Variants in CSMD1 observed in about 807,000 individuals in gnomAD.
CSMD1 encodes CUB and sushi domain-containing protein 1.
CSMD1 carries 213 observed loss-of-function variants against 417.5 expected under a neutral mutation model. That is an observed-to-expected ratio of 0.51 (90% CI 0.46 to 0.57). The LOEUF is 0.57. Ranked by LOEUF, CSMD1 falls within the 20% of genes least tolerant of loss-of-function variation. CSMD1 has a pLI of 0.00. For missense variants in CSMD1, 6,923 were observed against 4,529.7 expected (o/e 1.53, Z -15.17); for synonymous variants, 2,862 against 1,736.8 (o/e 1.65, Z -16.11).
intron 1 of CSMD1, among the ~76,000 whole-genome samples, chr8:4,770,092 T>C (rs1407429181): frequency 1.3e-5 from 2 of 151,796 alleles, no homozygotes; most frequent in East Asian, 1.9e-4. Context: ...AGATACTTCA[T>C]GCTCATAGAT....
intron 3 of CSMD1, among the ~76,000 whole-genome samples, chr8:4,170,532 G>A (rs1399659099): frequency 1.3e-5 from 2 of 151,984 alleles, no homozygotes; most frequent in East Asian, 3.9e-4. Flanking sequence ...AAAGTCTATA[G>A]TCGGAGTATT....
chr8:3,376,645 A>G (rs534445517), intron 18 of CSMD1, among the ~76,000 whole-genome samples: 2 of 152,236 alleles, frequency 1.3e-5, no homozygotes, highest in East Asian at 1.9e-4. Flanking sequence ...GTCTTTCACA[A>G]AATTAGAGGA....
In CSMD1 at chr8:2,978,684, A is replaced by G. The variant is rs1805142665; in HGVS notation, c.8494T>C (p.Tyr2832His). 1.2e-6 allele frequency: 2 copies of G among 1,611,598 alleles called. No individual in the cohort carries two copies. Among genetic ancestry groups the G allele is most frequent in the Non-Finnish European group, 1.7e-6 (2 of 1,178,876 alleles). The part of the protein sequence containing the change: ...SILYHCKKGF[Y>H]LLGSSALTCM... ...GTCAAGGCTGAAGATCCCAGCAAGT[A>G]AAATCCCTTCTTGCAATGGTACAGG... The change falls in exon 55 of 70, where the codon TAC (tyrosine) becomes CAC (histidine). Residue 2832 changes from tyrosine to histidine, a missense_variant. By Grantham distance (83) the Tyr-to-His change is moderately conservative. Transcript: ENST00000635120.
At chr8:4,203,004 A>G (rs755953671) in intron 3 of CSMD1, among the ~76,000 whole-genome samples, 1 of 152,210 alleles carries the variant, frequency 6.6e-6, no homozygotes, top group Admixed American at 6.5e-5. Flanking sequence ...CGTAATTCCC[A>G]GAACCTGTGA....
rs77445264 is a variant in CSMD1 at position 3,707,674 on chromosome 8, C to T, written c.1009+740G>A. ...ACCAGTGGAGAGCTGACTGCACCTG[C>T]AGAGAAAGAAGGGTCTGCATAGTGA... On this transcript the variant is annotated intron_variant, in intron 7 of 69. Coordinates refer to ENST00000635120, the MANE Select transcript of CSMD1 (RefSeq NM_033225.6). Among the ~76,000 whole-genome samples the T allele has an allele frequency of 8.5e-3, 1,295 of 151,726 alleles. 8 individuals are homozygous for T. The highest frequency in any genetic ancestry group is 0.014 in the Non-Finnish European group (982 of 67,894).
intron 3 of CSMD1, among the ~76,000 whole-genome samples, chr8:4,404,102 G>C (rs1310507838): frequency 6.6e-6 from 1 of 152,132 alleles, no homozygotes; most frequent in East Asian, 1.9e-4. Flanking sequence ...TTAGGGAATG[G>C]TATTTCTCCA....
At chr8:3,935,035 G>C (rs562111087) in intron 5 of CSMD1, among the ~76,000 whole-genome samples, 5 of 152,104 alleles carry the variant, frequency 3.3e-5, no homozygotes, top group African/African-American at 1.2e-4. Context: ...TCCAAAGCTA[G>C]TCTCGTTTCT....
chr8:3,302,093 A>G (rs1804455200), intron 25 of CSMD1, among the ~76,000 whole-genome samples: 2 of 152,150 alleles, frequency 1.3e-5, no homozygotes, highest in Admixed American at 6.6e-5. Flanking sequence ...CTGAAGACTA[A>G]AGTCTCCCGC....
intron 26 of CSMD1, among the ~76,000 whole-genome samples, chr8:3,248,663 A>T (rs1800056925): frequency 1.3e-5 from 2 of 150,842 alleles, no homozygotes; most frequent in East Asian, 3.9e-4. Flanking sequence ...TGTCAGCAAT[A>T]CTTGATTTGT....
chr8:3,564,931 G>C (rs1799634235), intron 10 of CSMD1, among the ~76,000 whole-genome samples: 1 of 151,530 alleles, frequency 6.6e-6, no homozygotes, highest in African/African-American at 2.4e-5. Flanking sequence ...AGTTGACAAG[G>C]ACACAATCAT....
At chr8:4,092,823 T>G (rs562769780) in intron 3 of CSMD1, among the ~76,000 whole-genome samples, 4 of 152,304 alleles carry the variant, frequency 2.6e-5, no homozygotes, top group African/African-American at 9.6e-5. Context: ...TTTTAATTTG[T>G]TTTGATCAAA....
At chr8:4,427,404 G>A (rs188443299) in intron 2 of CSMD1, among the ~76,000 whole-genome samples, 25 of 152,074 alleles carry the variant, frequency 1.6e-4, no homozygotes, top group African/African-American at 5.8e-4. Context: ...TAGGTACCTT[G>A]GGGTCATAGA....
In CSMD1 at chr8:3,162,245, G is replaced by C; in HGVS notation, c.5758C>G (p.Leu1920Val). ...VGLAACQEPA[L>V]PSNSIKIGDR... ...CCGATTTTGATGCTGTTGCTGGGGA[G>C]GGCTGGTTCTTGGCATGCAGCAAGA... The change falls in exon 38 of 70, where the codon CTC becomes GTC. Residue 1920 changes from leucine (L) to valine (V), a missense_variant. Leu to Val is a conservative substitution (Grantham distance 32). Transcript: ENST00000635120. 1.2e-6 allele frequency: 2 copies of C among 1,610,602 alleles called. No individual in the cohort carries two copies. Among genetic ancestry groups the C allele is most frequent in the Non-Finnish European group, 1.7e-6 (2 of 1,178,440 alleles).
chr8:4,293,584 A>G (rs1797497342), intron 3 of CSMD1, among the ~76,000 whole-genome samples: 1 of 152,176 alleles, frequency 6.6e-6, no homozygotes, highest in Non-Finnish European at 1.5e-5. Context: ...ACAATAAAAG[A>G]GCTCATCTCA....
chr8:4,229,669 G>A (rs7828683), intron 3 of CSMD1, among the ~76,000 whole-genome samples: 62,431 of 151,896 alleles, frequency 0.41, 13,305 homozygotes, highest in South Asian at 0.63. Context: ...TCTTAGTGAA[G>A]TTCGTTCTCA....
intron 1 of CSMD1, among the ~76,000 whole-genome samples, chr8:4,964,382 A>C (rs1036218487): frequency 9.9e-5 from 15 of 150,984 alleles, no homozygotes; most frequent in Admixed American, 2.7e-4. Context: ...AGCCGGGTCT[A>C]GTGGCATGCA....
rs570276269 is a variant in CSMD1, at chr8:3,402,912, G to C, written c.2266+3115C>G. Among the ~76,000 whole-genome samples the C allele has an allele frequency of 9.5e-4, 145 of 152,130 alleles. 1 individual carries two copies. The highest frequency in any genetic ancestry group is 1.7e-3 in the Non-Finnish European group (113 of 67,994). ...TTCTACGTTAGAGGACTTAAAGATA[G>C]ACATTTTCCTTGAAACACAGGTTTT... On this transcript the variant is annotated intron_variant, in intron 15 of 69. Coordinates refer to ENST00000635120, the MANE Select transcript of CSMD1 (RefSeq NM_033225.6).
At chr8:2,943,234 T>TC (rs1371378034) in intron 68 of CSMD1, among the ~76,000 whole-genome samples, 20 of 152,006 alleles carry the variant, frequency 1.3e-4, no homozygotes, top group Admixed American at 3.9e-4. Flanking sequence ...ATTTTTCTTT[T>TC]TTTTTTTTTC....
At chr8:3,769,917 G>A (rs1037733857) in intron 5 of CSMD1, among the ~76,000 whole-genome samples, 27 of 152,288 alleles carry the variant, frequency 1.8e-4, no homozygotes, top group African/African-American at 6.0e-4. Context: ...AATGCCTATT[G>A]CAATATTGCT....
Sources: gnomAD v4.1 joint callset for allele counts (sites outside exome capture counted in the v4.1 genomes callset) on GRCh38, gnomAD v4.1.1 for gene constraint, MANE v1.5 for transcripts, NCBI Gene and HGNC (gene_info 2026-07-23, HGNC 2026-07-21) for gene names.